The following SOD2 variants were observed in gnomAD, a reference collection of about 807,000 sequenced individuals.
SOD2 encodes superoxide dismutase [Mn], mitochondrial.
Under a neutral mutation model 27.0 loss-of-function variants are expected in SOD2, and 11 were observed. That is an observed-to-expected ratio of 0.41 (90% confidence interval 0.26 to 0.67). SOD2 has a LOEUF of 0.67. SOD2 is among the 30% of genes least tolerant of loss of function. The probability of loss-of-function intolerance (pLI) is 0.34; values close to 1 mark genes in which losing one functional copy is unlikely to be tolerated. For synonymous variants in SOD2, 105 were observed against 103.0 expected (o/e 1.02, Z -0.12); for missense variants, 250 against 274.5 (o/e 0.91, Z 0.63).
At chr6:159,695,720 T>G (rs1246548748), upstream of SOD2, among the ~76,000 whole-genome samples, 1 of 152,068 alleles carries the variant, frequency 6.6e-6, no homozygotes, top group East Asian at 1.9e-4. Context: ...GGCCTCAAAC[T>G]CCTTGGCTCA....
chr6:159,761,286 G>C (rs746247189), exon 1 of SOD2: 4 of 249,442 alleles, frequency 1.6e-5, no homozygotes, highest in Non-Finnish European at 3.3e-5. Flanking sequence ...GAAAAATTAT[G>C]AACTTTGCCC....
chr6:159,754,697 T>C (rs1027344853), intron 1 of SOD2, among the ~76,000 whole-genome samples: 4 of 152,218 alleles, frequency 2.6e-5, no homozygotes, highest in African/African-American at 7.2e-5. Flanking sequence ...TTTACTGTAT[T>C]GTTTGGGGGA....
intron 1 of SOD2, among the ~76,000 whole-genome samples, chr6:159,710,079 A>C (rs1374912587): frequency 4.0e-5 from 5 of 124,862 alleles, no homozygotes; most frequent in Non-Finnish European, 6.4e-5. Context: ...GAACTTGGAC[A>C]CAGGAAGAGG....
chr6:159,674,866 A>G lies in SOD2; in HGVS notation c.*7627T>C, dbSNP rs1263392461. On this transcript the variant is annotated 3_prime_UTR_variant, in exon 5 of 5. Transcript: ENST00000538183. ...GAAAACCCCATCATCTCAGCCCAAA[A>G]TCTCCTTAATTTGATAAGCAACTTC... 1 of 152,226 alleles carries G rather than the reference A, an allele frequency of 6.6e-6. No homozygotes were observed. Among genetic ancestry groups the G allele is most frequent in the African/African-American group, 2.4e-5 (1 of 41,448 alleles). The allele number at this position is 152,226 out of a possible 1,614,324, so 9.4% of individuals were successfully genotyped here.
At chr6:159,685,674 GTCCC>G (rs1780157503) in intron 3 of SOD2, among the ~76,000 whole-genome samples, 1 of 41,320 alleles carries the variant, frequency 2.4e-5, no homozygotes, top group Non-Finnish European at 5.7e-5. Flanking sequence ...TTCACCCCCC[GTCCC>G]CTTCTTTCTC....
chr6:159,760,288 T>G (rs1780096251), intron 1 of SOD2: 1 of 152,216 alleles, frequency 6.6e-6, no homozygotes, highest in African/African-American at 2.4e-5. Flanking sequence ...TTTTATTTAT[T>G]TGAGACAGTT....
intron 1 of SOD2, among the ~76,000 whole-genome samples, chr6:159,719,408 A>T (rs1332113749): frequency 6.6e-6 from 1 of 151,940 alleles, no homozygotes; most frequent in Non-Finnish European, 1.5e-5. Flanking sequence ...TGTGCCTGTA[A>T]TCCCAGCTAC....
At chr6:159,707,739 A>C (rs997219237) in intron 1 of SOD2, among the ~76,000 whole-genome samples, 3 of 152,224 alleles carry the variant, frequency 2.0e-5, no homozygotes, top group African/African-American at 7.2e-5. Flanking sequence ...TCAATAGAAA[A>C]AGAGGGAATC....
chr6:159,703,777 T>C (rs898559880), intron 1 of SOD2, among the ~76,000 whole-genome samples: 8 of 152,244 alleles, frequency 5.3e-5, no homozygotes, highest in African/African-American at 1.9e-4. Flanking sequence ...AACCTAAATA[T>C]GCTTACTGCT....
At position 159,675,960 on chromosome 6, in the gene SOD2, G is replaced by T. The variant is rs1465527321; in HGVS notation, c.*6533C>A. Reference sequence around the variant, plus strand: ...GGATATGAAGAGACACTTCTCAAAAGAAGACATCCATGCATCCAACAGACA... The same window carrying T: ...GGATATGAAGAGACACTTCTCAAAATAAGACATCCATGCATCCAACAGACA... On this transcript the variant is annotated 3_prime_UTR_variant, in exon 5 of 5. Transcript: ENST00000538183. The T allele has an allele frequency of 6.6e-6, 1 of 152,142 alleles. No individual in the cohort carries two copies. Among genetic ancestry groups the T allele is most frequent in the African/African-American group, 2.4e-5 (1 of 41,414 alleles). The allele number at this position is 152,142 out of a possible 1,614,324, so 9.4% of individuals were successfully genotyped here.
At chr6:159,733,283 A>T (rs184440050) in intron 1 of SOD2, among the ~76,000 whole-genome samples, 1 of 152,326 alleles carries the variant, frequency 6.6e-6, no homozygotes, top group Admixed American at 6.5e-5. Context: ...AGAAACAAAT[A>T]CTGAGGTTTT....
At chr6:159,695,200 G>C (rs542781859), upstream of SOD2, among the ~76,000 whole-genome samples, 9 of 152,192 alleles carry the variant, frequency 5.9e-5, no homozygotes, top group Non-Finnish European at 1.0e-4. Flanking sequence ...GTAATGGAAA[G>C]ACTTGATCTA....
intron 1 of SOD2, chr6:159,755,271 G>T (rs771401662): frequency 1.2e-6 from 2 of 1,614,170 alleles, no homozygotes; most frequent in Non-Finnish European, 1.7e-6. Context: ...AGCTCCTCCC[G>T]CCAGAGGACG....
At chr6:159,687,609 C>T (rs930859563) in intron 3 of SOD2, among the ~76,000 whole-genome samples, 2 of 152,142 alleles carry the variant, frequency 1.3e-5, no homozygotes, top group Non-Finnish European at 2.9e-5. Context: ...TATGACATAA[C>T]CCCATGAAAG....
intron 4 of SOD2, among the ~76,000 whole-genome samples, chr6:159,683,080 C>T (rs370992067): frequency 6.6e-6 from 1 of 152,128 alleles, no homozygotes; most frequent in East Asian, 1.9e-4. Context: ...CTCTGCTCCC[C>T]AAGGCTAATT....
intron 1 of SOD2, among the ~76,000 whole-genome samples, chr6:159,700,052 C>A (rs13212047): frequency 0.025 from 3,862 of 152,226 alleles, 72 homozygotes; most frequent in South Asian, 0.037. Context: ...TAGATAAAAT[C>A]GCATAAAATA....
At chr6:159,690,831 T>C (rs1466302531) in intron 2 of SOD2, 1 of 152,216 alleles carries the variant, frequency 6.6e-6, no homozygotes, top group Non-Finnish European at 1.5e-5. Context: ...GGGCTTAATA[T>C]CTGCTTTTAA....
At chr6:159,731,335 G>A (rs1441865826), upstream of SOD2, among the ~76,000 whole-genome samples, 2 of 151,940 alleles carry the variant, frequency 1.3e-5, no homozygotes, top group African/African-American at 4.8e-5. Context: ...GGGCGTGGTG[G>A]TTCATGCCTG....
At position 159,755,312 on chromosome 6, in the gene SOD2, A is replaced by G. The variant is rs375163417; in HGVS notation, c.-336+5725T>C. On this transcript the variant is annotated intron_variant, in intron 1 of 7. Coordinates refer to the SOD2 transcript ENST00000546087. ...GTCTGGATTTCACAGGGAGGGCAAC[A>G]CAACCGAAGATGACTTTCCTTCTTC... 6.2e-6 allele frequency: 10 copies of G among 1,614,144 alleles called. No homozygotes were observed. The African/African-American group carries it at 1.2e-4, about 19-fold the overall frequency.
Sources: allele counts gnomAD v4.1 joint callset (sites outside exome capture counted in the v4.1 genomes callset), GRCh38; gene constraint gnomAD v4.1.1; transcripts MANE v1.5; gene names NCBI Gene and HGNC (gene_info 2026-07-23, HGNC 2026-07-21).